COL2A1: variants seen among roughly 807,000 people sequenced by gnomAD.
COL2A1 encodes the protein collagen type II alpha 1 chain.
Under a neutral mutation model 204.5 loss-of-function variants are expected in COL2A1, and 28 were observed. That is an observed-to-expected ratio of 0.14 (90% confidence interval 0.10 to 0.19). The LOEUF is 0.19. Ranked by LOEUF, COL2A1 falls within the 10% of genes least tolerant of loss-of-function variation. The pLI is 1.00. For synonymous variants in COL2A1, 708 were observed against 718.7 expected (o/e 0.99, Z 0.24); for missense variants, 1,388 against 2,027.5 (o/e 0.68, Z 6.06).
At position 47,997,831 on chromosome 12, in the gene COL2A1, G is replaced by C. The variant is rs759375208; in HGVS notation, c.429+40C>G. 24 of 1,613,040 alleles carry C rather than the reference G, an allele frequency of 1.5e-5. No homozygotes were observed. In the African/African-American group the frequency reaches 1.9e-4, roughly 13 times the overall value. ...ACATGGTGGGGCCTTGGGGGACCTG[G>C]GAAGTCCACCAGGGTCAAGCAGCAT... On this transcript the variant is annotated intron_variant, in intron 6 of 53. Coordinates refer to ENST00000380518, the MANE Select transcript of COL2A1 (RefSeq NM_001844.5).
rs144804336 is a variant in COL2A1, at chr12:47,983,448, G to A, written c.1996-10C>T. On this transcript the variant is annotated splice_polypyrimidine_tract_variant and intron_variant, in intron 30 of 53. Transcript: ENST00000380518. ...GAGGGCCAGGAAGTCCCTAGAAGCC[G>A]AAGTGACAAGCGTTAGCAAAGGAGT... 7.7e-5 allele frequency: 125 copies of A among 1,613,874 alleles called. 4 individuals carry two copies. The Middle Eastern group carries it at 1.3e-3, about 17-fold the overall frequency.
upstream of COL2A1, chr12:48,004,509 G>T: frequency 1.9e-6 from 1 of 527,008 alleles, no homozygotes; most frequent in South Asian, 2.4e-5. Context: ...CGTTATATGC[G>T]CCCGGCCCCT....
rs1261441132 is a variant in COL2A1 at position 47,980,494 on chromosome 12, C to T, written c.2625+60G>A. The T allele has an allele frequency of 1.4e-6, 2 of 1,445,082 alleles. No homozygotes were observed. The highest frequency in any genetic ancestry group is 1.4e-5 in the African/African-American group (1 of 71,176). The allele number at this position is 1,445,082 out of a possible 1,614,324, so 89.5% of individuals were successfully genotyped here. The stretch of plus-strand genomic sequence containing the variant: ...TCTGCGCAGCCTGCTGGGGCCTTCC[C>T]ATCTGCACGCCAGGAGCCCTTCCTT... On this transcript the variant is annotated intron_variant, in intron 39 of 53. Transcript: ENST00000380518. The surrounding 1 kb of genome is among the most constrained non-coding windows in gnomAD (Gnocchi z 4.5).
At chr12:47,977,490 C>T in intron 45 of COL2A1, 63 bp from the exon 46 acceptor site, 4 of 1,583,342 alleles carry the variant, frequency 2.5e-6, no homozygotes, top group Non-Finnish European at 3.5e-6. Flanking sequence ...AACAGAAGGT[C>T]CTTCTAGGCT....
chr12:47,984,894 TC>T (rs1939305055), intron 27 of COL2A1, 100 bp downstream of exon 27: 1 of 1,010,118 alleles, frequency 9.9e-7, no homozygotes, highest in South Asian at 1.4e-5. Context: ...CTCATCACTG[TC>T]CCTGGTTAAA....
intron 23 of COL2A1, 91 bp from the exon 24 acceptor site, chr12:47,986,056 C>A: frequency 7.9e-7 from 1 of 1,265,896 alleles, no homozygotes; most frequent in Non-Finnish European, 1.1e-6. Context: ...CCACCAACCC[C>A]AATTTCTGGG....
intron 16 of COL2A1, 61 bp from the exon 17 acceptor site, chr12:47,989,866 C>T: frequency 6.0e-6 from 9 of 1,512,104 alleles, no homozygotes; most frequent in Non-Finnish European, 8.2e-6. Context: ...TCCCTGCTCC[C>T]AGCCCACCCT....
chr12:47,984,125 C>G lies in COL2A1; in HGVS notation c.1903G>C (p.Asp635His), dbSNP rs1397534624. 2 of 1,613,720 alleles carry G rather than the reference C, an allele frequency of 1.2e-6. No homozygotes were observed. The highest frequency in any genetic ancestry group is 8.5e-7 in the Non-Finnish European group (1 of 1,179,876). Residue 635 changes from aspartate to histidine, a missense_variant, in exon 29 of 54, where the codon GAT becomes CAT. By Grantham distance (81) the Asp-to-His change is moderately conservative. This residue lies in a region of COL2A1 where 884 missense variants were observed against 1,415.8 expected (regional missense o/e 0.62). Coordinates refer to ENST00000380518, the MANE Select transcript of COL2A1 (RefSeq NM_001844.5). The stretch of plus-strand genomic sequence containing the variant: ...GGTCCTGCAGCACCTGTCTCACCAT[C>G]TTTGCCAGGAAGACCCTAGACAGAA... ...APGLRGLPGK[D>H]GETGAAGPPG...
rs1592218808 is a variant in COL2A1 at position 47,986,403 on chromosome 12, T to C, written c.1460A>G (p.Glu487Gly). 2 of 1,565,654 alleles carry C rather than the reference T, an allele frequency of 1.3e-6. No individual in the cohort carries two copies. The highest frequency in any genetic ancestry group is 1.7e-6 in the Non-Finnish European group (2 of 1,154,900). Residue 487 changes from glutamate (E) to glycine (G), a missense_variant, in exon 23 of 54, where the codon GAA (glutamate) becomes GGA (glycine). Physicochemically the swap from Glu to Gly is moderately conservative, Grantham distance 98. This residue lies in a region of COL2A1 where 884 missense variants were observed against 1,415.8 expected (regional missense o/e 0.62). Transcript: ENST00000380518. ...TCCACGGGCACCTCTCTTGCCTTCT[T>C]CACCAGCGGGTCCAGGGGCTCCCTG... ...GPQGAPGPAG[E>G]EGKRGARGEP...
intron 7 of COL2A1, among the ~76,000 whole-genome samples, chr12:47,996,845 T>C (rs1193669243): frequency 6.6e-6 from 1 of 152,230 alleles, no homozygotes; most frequent in Admixed American, 6.5e-5. Context: ...GAAGGGAAAG[T>C]GTTATTTGAG....
chr12:47,989,023 T>C (rs1241836096), intron 18 of COL2A1, among the ~76,000 whole-genome samples: 1 of 152,238 alleles, frequency 6.6e-6, no homozygotes, highest in Non-Finnish European at 1.5e-5. Flanking sequence ...CCACATTTTA[T>C]CTTCTGTCTT....
chr12:47,976,367 G>T lies in COL2A1; in HGVS notation c.3489+147C>A. 1.1e-6 allele frequency: 1 copy of T among 893,438 alleles called. No homozygotes were observed. Among genetic ancestry groups the T allele is most frequent in the Non-Finnish European group, 1.8e-6 (1 of 547,736 alleles). The allele number at this position is 893,438 out of a possible 1,614,324, so 55.3% of individuals were successfully genotyped here. A position where few individuals can be genotyped will look rare whatever the true frequency, so the allele number is the denominator to read the frequency against. On this transcript the variant is annotated intron_variant, in intron 49 of 53. Transcript: ENST00000380518. This position sits in a 1 kb window ranked among gnomAD's most constrained non-coding sequence, Gnocchi z 4.3. ...GCCTCAGGCGCTTTTCTGGCCATAG[G>T]CACATGAGCCAGTCCTGCCCCCATT...
In COL2A1 at chr12:47,976,188, C is replaced by G; in HGVS notation, c.3490-118G>C. On this transcript the variant is annotated intron_variant, in intron 49 of 53. Transcript: ENST00000380518. The surrounding 1 kb of genome is among the most constrained non-coding windows in gnomAD (Gnocchi z 4.3). The stretch of plus-strand genomic sequence containing the variant: ...CAGCCACTCCGCCCCCAGTTCTTCA[C>G]ATGCTCAGTCATGGAACCCTAAGTT... 1.3e-6 allele frequency: 1 copy of G among 784,200 alleles called. No homozygotes were observed. Among genetic ancestry groups the G allele is most frequent in the Non-Finnish European group, 2.3e-6 (1 of 435,890 alleles). 48.6% of individuals were successfully genotyped at this position (784,200 alleles called of 1,614,324 possible).
At chr12:47,997,326 A>AC (rs1940007037) in intron 7 of COL2A1, among the ~76,000 whole-genome samples, 3 of 151,786 alleles carry the variant, frequency 2.0e-5, no homozygotes, top group East Asian at 1.9e-4. Context: ...CCTTACACCC[A>AC]CCCCCCAGCA....
chr12:47,975,733 G>A (rs1938675486), intron 50 of COL2A1, 128 bp from the exon 51 acceptor site: 1 of 1,057,728 alleles, frequency 9.5e-7, no homozygotes, highest in South Asian at 1.4e-5. Context: ...GGTGTAGCAG[G>A]CGAGGACCAA....
At chr12:47,991,583 T>C (rs1037377374) in intron 16 of COL2A1, among the ~76,000 whole-genome samples, 3 of 151,956 alleles carry the variant, frequency 2.0e-5, no homozygotes, top group African/African-American at 7.3e-5. Context: ...AAAGAAGGGC[T>C]CAAAGGCAAT....
intron 1 of COL2A1, among the ~76,000 whole-genome samples, chr12:48,003,718 T>C (rs1334458148): frequency 6.6e-6 from 1 of 152,100 alleles, no homozygotes; most frequent in Admixed American, 6.5e-5. Flanking sequence ...TTAGTCCCCT[T>C]TGTCTAACTC....
rs760267333 is a variant in COL2A1, at chr12:47,989,209, T to C, written c.1122+19A>G. 4 of 1,608,202 alleles carry C rather than the reference T, an allele frequency of 2.5e-6. No individual in the cohort carries two copies. In the Admixed American group the frequency reaches 5.0e-5, roughly 20 times the overall value. The stretch of plus-strand genomic sequence containing the variant: ...TTCTCGGCACCCAGAAGTTCCTGAC[T>C]GGACAACAGGGCACGTACCTTGGCT... On this transcript the variant is annotated intron_variant, in intron 18 of 53. Coordinates refer to ENST00000380518, the MANE Select transcript of COL2A1 (RefSeq NM_001844.5).
chr12:47,973,782 A>C (rs1938552886), intron 53 of COL2A1, among the ~76,000 whole-genome samples: 2 of 150,092 alleles, frequency 1.3e-5, no homozygotes, highest in African/African-American at 4.9e-5. Context: ...CTCCTTCCCC[A>C]CTCCCCACAG....
Sources: gnomAD v4.1 joint callset for allele counts (sites outside exome capture counted in the v4.1 genomes callset) on GRCh38, gnomAD v4.1.1 for gene constraint, gnomAD v4.1.1 regional missense constraint, Gnocchi (gnomAD v3.1) non-coding constraint, MANE v1.5 for transcripts, NCBI Gene and HGNC (gene_info 2026-07-23, HGNC 2026-07-21) for gene names.